The following ACE variants were observed in gnomAD, a reference collection of about 807,000 sequenced individuals.
ACE encodes angiotensin I converting enzyme.
Under a neutral mutation model 162.3 loss-of-function variants are expected in ACE, and 122 were observed. The ratio of observed to expected loss-of-function variants is 0.75; its 90% CI spans 0.65 to 0.87. ACE has a LOEUF of 0.87. Among genes scored for constraint, ACE ranks in the 40% least tolerant of loss-of-function variants. ACE has a pLI of 0.00. For missense variants in ACE, 1,799 were observed against 1,735.1 expected (o/e 1.04, Z -0.65); for synonymous variants, 796 against 720.6 (o/e 1.10, Z -1.68).
chr17:63,483,705 C>T, intron 10 of ACE, 144 bp from the exon 11 acceptor site: 2 of 1,490,058 alleles, frequency 1.3e-6, no homozygotes, highest in South Asian at 2.3e-5. Flanking sequence ...GCCCACTCTC[C>T]TGAGCCTGTC....
rs1436223808 is a variant in ACE, at chr17:63,484,303, G to T, written c.1710-27G>T. ...GCAGACTCCAGCCTGAGTCCCCTGTGCCCATGGTACCCACTCTGCCCACCA... is the reference window on the plus strand; with the variant it reads ...GCAGACTCCAGCCTGAGTCCCCTGTTCCCATGGTACCCACTCTGCCCACCA... On this transcript the variant is annotated intron_variant, in intron 11 of 24. Transcript: ENST00000290866. This position sits in a 1 kb window ranked among gnomAD's most constrained non-coding sequence, Gnocchi z 4.0. 4.4e-6 allele frequency: 7 copies of T among 1,601,476 alleles called. No homozygotes were observed. In the South Asian group the frequency reaches 7.8e-5, roughly 18 times the overall value.
rs1423707424 is a variant in ACE at position 63,497,628 on chromosome 17, C to CT, written c.*263dup. On this transcript the variant is annotated 3_prime_UTR_variant, in exon 25 of 25. Transcript: ENST00000290866. ...AAGGTCCTGCCCTCCCCATCTGAGT[C>CT]TGTGTCCCTCACAGGGAAGCCAGGG... is the stretch of plus-strand genomic sequence containing the variant. 1.5e-6 allele frequency: 1 copy of CT among 671,032 alleles called. No homozygotes were observed. The highest frequency in any genetic ancestry group is 2.7e-6 in the Non-Finnish European group (1 of 366,232). The allele number at this position is 671,032 out of a possible 1,614,324, so 41.6% of individuals were successfully genotyped here.
intron 12 of ACE, 137 bp from the exon 13 acceptor site, chr17:63,485,090 AGGGTGCCAG>A: frequency 9.1e-7 from 1 of 1,102,756 alleles, no homozygotes; most frequent in Non-Finnish European, 1.3e-6. Flanking sequence ...GGGGAGGGGC[AGGGTGCCAG>A]GGGTGGGAGA....
chr17:63,481,809 G>A, intron 7 of ACE, 71 bp downstream of exon 7: 5 of 1,602,726 alleles, frequency 3.1e-6, no homozygotes, highest in Middle Eastern at 1.7e-4. Flanking sequence ...GGCAGCCCAG[G>A]CGCAGGGAAG....
chr17:63,483,567 G>GCGGGGGGGGGGGCCCCCCCC lies in ACE; in HGVS notation c.1586+10_1586+11insGGGGGGGGGGGCCCCCCCCC. On this transcript the variant is annotated intron_variant, in intron 10 of 24. Transcript: ENST00000290866. ...GTGACACCATACATCAGGTATTAGC[G>GCGGGGGGGGGGGCCCCCCCC]CCCCCACCCCACCCACCCCCAGTAC... 6.3e-7 allele frequency: 1 copy of GCGGGGGGGGGGGCCCCCCCC among 1,589,504 alleles called. No homozygotes were observed. The highest frequency in any genetic ancestry group is 8.6e-7 in the Non-Finnish European group (1 of 1,165,632).
rs750406199 is a variant in ACE, at chr17:63,490,987, A to G, written c.2675A>G (p.Tyr892Cys). ...NMWAQTWSNIYDLVVPFPSAP... is the reference protein window; with the variant it reads ...NMWAQTWSNICDLVVPFPSAP... ...TGGGCGCAGACCTGGTCCAACATCT[A>G]TGACTTGGTGGTGCCCTTCCCTTCA... The change falls in exon 18 of 25, where the codon TAT becomes TGT. Residue 892 changes from tyrosine (Y) to cysteine (C), a missense_variant. Physicochemically the swap from Tyr to Cys is radical, Grantham distance 194 (BLOSUM62 -2). Transcript: ENST00000290866. 7 of 1,614,126 alleles carry G rather than the reference A, an allele frequency of 4.3e-6. No individual in the cohort carries two copies. The highest frequency in any genetic ancestry group is 2.2e-5 in the East Asian group (1 of 44,864).
rs1333567938 is a variant in ACE at position 63,484,280 on chromosome 17, A to C, written c.1710-50A>C. 2 of 1,569,842 alleles carry C rather than the reference A, an allele frequency of 1.3e-6. No homozygotes were observed. Among genetic ancestry groups the C allele is most frequent in the South Asian group, 1.2e-5 (1 of 86,940 alleles). ...GGCATGTGGGCCGGGGTCCAGGAGC[A>C]GACTCCAGCCTGAGTCCCCTGTGCC... On this transcript the variant is annotated intron_variant, in intron 11 of 24. Coordinates refer to ENST00000290866, the MANE Select transcript of ACE (RefSeq NM_000789.4). This position sits in a 1 kb window ranked among gnomAD's most constrained non-coding sequence, Gnocchi z 4.0.
chr17:63,484,364 C>A lies in ACE; in HGVS notation c.1744C>A (p.Gln582Lys), dbSNP rs1599143221. Reference sequence around the variant, plus strand: ...GCAGGCTGGCTCCTCCAGGCCCTGGCAGGAGGTGCTGAAGGACATGGTCGG... The same window carrying A: ...GCAGGCTGGCTCCTCCAGGCCCTGGAAGGAGGTGCTGAAGGACATGGTCGG... ...VLQAGSSRPW[Q>K]EVLKDMVGLD... The change falls in exon 12 of 25, where the codon CAG (glutamine) becomes AAG (lysine). Residue 582 changes from glutamine (Q) to lysine (K), a missense_variant. Physicochemically the swap from Gln to Lys is moderately conservative, Grantham distance 53. Coordinates refer to ENST00000290866, the MANE Select transcript of ACE (RefSeq NM_000789.4). The surrounding 1 kb of genome is among the most constrained non-coding windows in gnomAD (Gnocchi z 4.0). 4 of 1,611,450 alleles carry A rather than the reference C, an allele frequency of 2.5e-6. No homozygotes were observed. The highest frequency in any genetic ancestry group is 3.4e-6 in the Non-Finnish European group (4 of 1,179,854).
intron 23 of ACE, 132 bp from the exon 24 acceptor site, chr17:63,496,666 T>C (rs2030753967): frequency 6.4e-7 from 1 of 1,573,144 alleles, no homozygotes; most frequent in Admixed American, 1.7e-5. Context: ...GATTGCCATC[T>C]CCTTAGGCAC....
intron 17 of ACE, chr17:63,490,302 T>C (rs929480713): frequency 1.9e-5 from 3 of 154,234 alleles, no homozygotes; most frequent in African/African-American, 7.2e-5. Flanking sequence ...CTAGGCTCTT[T>C]TCTTACACTA....
chr17:63,486,810 G>T, intron 14 of ACE, 95 bp downstream of exon 14: 2 of 1,547,260 alleles, frequency 1.3e-6, no homozygotes, highest in East Asian at 2.3e-5. Context: ...CCTCTTCCTC[G>T]TTGTATCAAG....
chr17:63,487,218 G>A (rs963006865), intron 15 of ACE, 145 bp downstream of exon 15: 3 of 724,058 alleles, frequency 4.1e-6, no homozygotes, highest in African/African-American at 3.5e-5. Flanking sequence ...TTTTCCACGA[G>A]GGGGGCTTCT....
chr17:63,477,699 C>T (rs2049641357), intron 1 of ACE: 1 of 584,822 alleles, frequency 1.7e-6, no homozygotes, highest in Admixed American at 3.0e-5. Flanking sequence ...CCTCCACTCG[C>T]CCGGCCTCTT....
Position 63,478,947 on chromosome 17 carries a change from G to A in ACE, c.418-60G>A, listed in dbSNP as rs1390384534. 6.3e-6 allele frequency: 9 copies of A among 1,434,054 alleles called. No homozygotes were observed. The Admixed American group carries it at 1.4e-4, about 23-fold the overall frequency. The allele number at this position is 1,434,054 out of a possible 1,614,324, so 88.8% of individuals were successfully genotyped here. A position where few individuals can be genotyped will look rare whatever the true frequency, so the allele number is the denominator to read the frequency against. The stretch of plus-strand genomic sequence containing the variant: ...TGTGGGCTCCTCCTTCTAGCAGCGA[G>A]GGGAGGGCAGATGTCCCAGGGGCTG... On this transcript the variant is annotated intron_variant, in intron 2 of 24. Transcript: ENST00000290866.
intron 15 of ACE, among the ~76,000 whole-genome samples, chr17:63,487,579 A>C (rs4334): frequency 0.46 from 70,425 of 151,604 alleles, 16,588 homozygotes; most frequent in East Asian, 0.66. Context: ...CACTTCCCTC[A>C]CCTACCCTGC....
Position 63,484,015 on chromosome 17 carries a change from G to C in ACE, c.1709+44G>C. The C allele has an allele frequency of 6.4e-7, 1 of 1,573,950 alleles. No individual in the cohort carries two copies. Among genetic ancestry groups the C allele is most frequent in the Non-Finnish European group, 8.6e-7 (1 of 1,161,376 alleles). On this transcript the variant is annotated intron_variant, in intron 11 of 24. Coordinates refer to ENST00000290866, the MANE Select transcript of ACE (RefSeq NM_000789.4). This position sits in a 1 kb window ranked among gnomAD's most constrained non-coding sequence, Gnocchi z 4.0. ...GGGGAAGTGGGAGGCAGAGAGGAGC[G>C]GCTGGCAAAGGGTGTGGCAGGAGGT...
chr17:63,490,283 C>T (rs1429701416), intron 17 of ACE: 2 of 153,450 alleles, frequency 1.3e-5, no homozygotes, highest in Admixed American at 6.4e-5. Context: ...TTTCCTCTGT[C>T]GTGGAGAACT....
Position 63,497,201 on chromosome 17 carries a change from G to T in ACE, c.3756G>T (p.Ala1252=), listed in dbSNP as rs770384980. ...GCTTCCTGGGCCTGGACCTGGATGC[G>T]CAGCAGGCCCGCGTGGGCCAGTGGC... is the stretch of plus-strand genomic sequence containing the variant. ...RVSFLGLDLD[A]QQARVGQWLL... The change falls in exon 25 of 25, where the codon GCG becomes GCT. Residue 1252 remains alanine (A), a synonymous_variant. Transcript: ENST00000290866. The T allele has an allele frequency of 1.9e-6, 3 of 1,601,668 alleles. No individual in the cohort carries two copies. The highest frequency in any genetic ancestry group is 2.2e-5 in the East Asian group (1 of 44,646).
At position 63,480,578 on chromosome 17, in the gene ACE, C is replaced by T. The variant is rs4304; in HGVS notation, c.847+50C>T. 10,247 of 1,602,330 alleles carry T rather than the reference C, an allele frequency of 6.4e-3. 545 individuals carry two copies. The African/African-American group carries it at 0.12, about 19-fold the overall frequency. The stretch of plus-strand genomic sequence containing the variant: ...ATGAGTCCCACGGAAGTGTGGGTCC[C>T]GAGGTAGGGGTGGGGGATGTCCAGG... On this transcript the variant is annotated intron_variant, in intron 5 of 24. Transcript: ENST00000290866.
Sources: gnomAD v4.1 joint callset for allele counts (sites outside exome capture counted in the v4.1 genomes callset) on GRCh38, gnomAD v4.1.1 for gene constraint, Gnocchi (gnomAD v3.1) non-coding constraint, MANE v1.5 for transcripts, NCBI Gene and HGNC (gene_info 2026-07-23, HGNC 2026-07-21) for gene names.